Variants in RORA observed in about 807,000 individuals in gnomAD.
RORA encodes nuclear receptor ROR-alpha.
RORA carries 7 observed loss-of-function variants against 69.5 expected under a neutral mutation model. The observed-to-expected ratio is 0.10, with a 90% CI of 0.06 to 0.19. RORA has a LOEUF of 0.19. Among genes scored for constraint, RORA ranks in the 10% least tolerant of loss-of-function variants. The pLI, the probability that RORA is intolerant of heterozygous loss-of-function variation, is 1.00. For missense variants in RORA, 457 were observed against 663.0 expected (o/e 0.69, Z 3.41); for synonymous variants, 261 against 240.8 (o/e 1.08, Z -0.78).
At chr15:60,863,807 C>CTT (rs71122881) in intron 1 of RORA, among the ~76,000 whole-genome samples, 7 of 135,098 alleles carry the variant, frequency 5.2e-5, no homozygotes, top group African/African-American at 1.9e-4. Flanking sequence ...CTGTCAGAAT[C>CTT]TTTTTTTTTT....
intron 2 of RORA, among the ~76,000 whole-genome samples, chr15:60,564,087 A>T (rs898035144): frequency 6.6e-6 from 1 of 152,228 alleles, no homozygotes; most frequent in Admixed American, 6.5e-5. Context: ...AGAAAGATGC[A>T]TGCTTACAAT....
chr15:60,504,961 TG>T (rs1182309399), intron 6 of RORA, among the ~76,000 whole-genome samples: 2 of 152,216 alleles, frequency 1.3e-5, no homozygotes, highest in African/African-American at 4.8e-5. Flanking sequence ...AAATGTAAAA[TG>T]GATTCACTTA....
At chr15:61,048,680 G>T (rs1025729527) in intron 1 of RORA, among the ~76,000 whole-genome samples, 2 of 152,170 alleles carry the variant, frequency 1.3e-5, no homozygotes, top group Non-Finnish European at 2.9e-5. Flanking sequence ...ACACTTTGAC[G>T]TCGAGTCCAA....
chr15:60,548,133 A>G (rs960565727), intron 2 of RORA, among the ~76,000 whole-genome samples: 4 of 152,218 alleles, frequency 2.6e-5, no homozygotes, highest in Non-Finnish European at 5.9e-5. Flanking sequence ...CACAGAAATT[A>G]GAAAATTATA....
chr15:60,679,319 G>A (rs755097477), intron 1 of RORA, among the ~76,000 whole-genome samples: 1 of 152,092 alleles, frequency 6.6e-6, no homozygotes, highest in South Asian at 2.1e-4. Context: ...CACAAACTAC[G>A]AAAACACGAG....
At chr15:60,722,220 G>C (rs1472284483) in intron 1 of RORA, among the ~76,000 whole-genome samples, 1 of 151,974 alleles carries the variant, frequency 6.6e-6, no homozygotes, top group Non-Finnish European at 1.5e-5. Context: ...TCCATGTGTT[G>C]TCAACATATG....
intron 2 of RORA, among the ~76,000 whole-genome samples, chr15:60,559,968 C>T (rs1019630684): frequency 9.9e-5 from 15 of 152,122 alleles, no homozygotes; most frequent in Middle Eastern, 3.4e-3. Context: ...AATATAGTTG[C>T]GTTTTCTTAA....
chr15:60,498,327 G>A (rs778610972), intron 10 of RORA, among the ~76,000 whole-genome samples: 9 of 152,148 alleles, frequency 5.9e-5, no homozygotes, highest in Non-Finnish European at 1.3e-4. Context: ...GTGAGGGGCA[G>A]TGGTGGGTGG....
chr15:61,032,151 G>GC (rs1896204706), intron 1 of RORA, among the ~76,000 whole-genome samples: 1 of 152,164 alleles, frequency 6.6e-6, no homozygotes, highest in South Asian at 2.1e-4. Flanking sequence ...AAAATTACAT[G>GC]CAGAGTACTT....
intron 1 of RORA, among the ~76,000 whole-genome samples, chr15:61,078,545 A>G (rs569268870): frequency 6.6e-6 from 1 of 152,318 alleles, no homozygotes; most frequent in East Asian, 1.9e-4. Flanking sequence ...ACCAACAGTA[A>G]CTATTCTAGG....
chr15:61,122,401 T>C (rs1465840090), intron 1 of RORA, among the ~76,000 whole-genome samples: 3 of 152,154 alleles, frequency 2.0e-5, no homozygotes, highest in Middle Eastern at 3.2e-3. Flanking sequence ...AGCTGGAATA[T>C]ATTTTAAAGT....
intron 1 of RORA, among the ~76,000 whole-genome samples, chr15:61,053,863 A>ATATATATATATATATATAT (rs1555406156): frequency 3.0e-4 from 41 of 137,074 alleles, no homozygotes; most frequent in South Asian, 4.9e-4. Flanking sequence ...ATATATATAT[A>ATATATATATATATATATAT]AACATTCTTC....
Position 60,629,406 on chromosome 15 carries a change from T to C in RORA, c.196+49251A>G, listed in dbSNP as rs146312928. ...TTTGCCATGTTGGCCAGGATGACTG[T>C]TTATTCTTTATTGTCTGTCTTTCTC... On this transcript the variant is annotated intron_variant, in intron 2 of 10. Coordinates refer to ENST00000335670, the MANE Select transcript of RORA (RefSeq NM_134261.3). 2.5e-3 allele frequency among the ~76,000 whole-genome samples: 380 copies of C among 150,720 alleles called. 4 individuals carry two copies. Among genetic ancestry groups the C allele is most frequent in the African/African-American group, 8.6e-3 (356 of 41,308 alleles).
At chr15:60,859,380 CTGGGACCTTGGGACCT>C (rs58929509) in intron 1 of RORA, among the ~76,000 whole-genome samples, 43,444 of 151,404 alleles carry the variant, frequency 0.29, 6,472 homozygotes, top group African/African-American at 0.32. Context: ...TCAGCCTCAC[CTGGGACCTTGGGACCT>C]TGGGACCTTG....
intron 2 of RORA, among the ~76,000 whole-genome samples, chr15:60,553,766 T>C (rs1442993700): frequency 6.6e-6 from 1 of 152,218 alleles, no homozygotes; most frequent in Non-Finnish European, 1.5e-5. Flanking sequence ...TTAAATCTGC[T>C]AAAACAAACC....
intron 2 of RORA, among the ~76,000 whole-genome samples, chr15:60,602,549 CAAGAG>C (rs2068843340): frequency 6.6e-6 from 1 of 152,048 alleles, no homozygotes; most frequent in African/African-American, 2.4e-5. Context: ...CGTAACAAAA[CAAGAG>C]AAAAGAAAAC....
rs140926570 is a variant in RORA at position 61,032,798 on chromosome 15, G to C, written c.166+196255C>G. On this transcript the variant is annotated intron_variant, in intron 1 of 10. Coordinates refer to ENST00000335670, the MANE Select transcript of RORA (RefSeq NM_134261.3). ...TTTATGGGTCAAAGAGCAGTACAGGGGATCCTTCTGCATAAGGCCACAGCA... is the reference window on the plus strand; with the variant it reads ...TTTATGGGTCAAAGAGCAGTACAGGCGATCCTTCTGCATAAGGCCACAGCA... 4.7e-3 allele frequency among the ~76,000 whole-genome samples: 711 copies of C among 151,980 alleles called. 3 individuals are homozygous for C. The highest frequency in any genetic ancestry group is 0.017 in the African/African-American group (692 of 41,424).
rs1295961668 is a variant in RORA at position 60,537,169 on chromosome 15, T to C, written c.197-5318A>G. Among the ~76,000 whole-genome samples the C allele has an allele frequency of 6.6e-6, 1 of 152,194 alleles. No individual in the cohort carries two copies. Among genetic ancestry groups the C allele is most frequent in the Admixed American group, 6.5e-5 (1 of 15,282 alleles). The stretch of plus-strand genomic sequence containing the variant: ...GTGTCAAGGTTAGCCGGGGGAGAGC[T>C]GCAGAGTCTTCACCTTATTCCCTGG... On this transcript the variant is annotated intron_variant, in intron 2 of 10. Coordinates refer to ENST00000335670, the MANE Select transcript of RORA (RefSeq NM_134261.3). The surrounding 1 kb of genome is among the most constrained non-coding windows in gnomAD (Gnocchi z 4.9).
chr15:60,655,129 T>G (rs959388536), intron 2 of RORA, among the ~76,000 whole-genome samples: 2 of 152,154 alleles, frequency 1.3e-5, no homozygotes, highest in Non-Finnish European at 2.9e-5. Flanking sequence ...AAAGATGTCA[T>G]GAGAATGGAA....
Sources: gnomAD v4.1 joint callset for allele counts (sites outside exome capture counted in the v4.1 genomes callset) on GRCh38, gnomAD v4.1.1 for gene constraint, Gnocchi (gnomAD v3.1) non-coding constraint, MANE v1.5 for transcripts, NCBI Gene and HGNC (gene_info 2026-07-23, HGNC 2026-07-21) for gene names.